TTBK2: variants seen among roughly 807,000 people sequenced by gnomAD.
TTBK2 encodes tau tubulin kinase 2, also known as tau-tubulin kinase 2.
A neutral mutation model predicts 110.8 loss-of-function variants in TTBK2; 28 were observed. That is an observed-to-expected ratio of 0.25 (90% CI 0.19 to 0.35). The LOEUF is 0.35. TTBK2 is among the 10% of genes least tolerant of loss of function. The pLI is 1.00. For synonymous variants in TTBK2, 532 were observed against 527.3 expected (o/e 1.01, Z -0.12); for missense variants, 1,369 against 1,500.3 (o/e 0.91, Z 1.45).
chr15:42,886,961 A>G (rs951696560), intron 1 of TTBK2, among the ~76,000 whole-genome samples: 5 of 152,236 alleles, frequency 3.3e-5, no homozygotes, highest in African/African-American at 1.2e-4. Flanking sequence ...TAGCAGCTGA[A>G]GACACACTGC....
At chr15:42,836,369 T>G (rs1381116642) in intron 4 of TTBK2, among the ~76,000 whole-genome samples, 1 of 152,098 alleles carries the variant, frequency 6.6e-6, no homozygotes, top group Non-Finnish European at 1.5e-5. Flanking sequence ...TGTGGGAAGC[T>G]GAATACATGG....
intron 10 of TTBK2, among the ~76,000 whole-genome samples, chr15:42,787,636 A>C (rs1442451267): frequency 1.3e-5 from 2 of 152,216 alleles, no homozygotes; most frequent in African/African-American, 4.8e-5. Context: ...CTGTAACCAA[A>C]TTGTCAACAT....
At chr15:42,898,062 G>A (rs997908277) in intron 1 of TTBK2, among the ~76,000 whole-genome samples, 29 of 152,044 alleles carry the variant, frequency 1.9e-4, no homozygotes, top group African/African-American at 5.8e-4. Context: ...GTGATGGTGC[G>A]TGCCTGTTGT....
intron 13 of TTBK2, among the ~76,000 whole-genome samples, chr15:42,768,243 G>C (rs1468523641): frequency 2.0e-5 from 3 of 152,332 alleles, no homozygotes; most frequent in African/African-American, 4.8e-5. Context: ...ATTCAACATA[G>C]TGTTGGAAGT....
chr15:42,807,370 TA>T (rs1334654713), intron 9 of TTBK2, among the ~76,000 whole-genome samples: 2 of 152,110 alleles, frequency 1.3e-5, no homozygotes, highest in East Asian at 1.9e-4. Context: ...AACACTCTAA[TA>T]AAGATATTTG....
chr15:42,757,406 C>T (rs534678034), intron 13 of TTBK2, among the ~76,000 whole-genome samples: 4 of 152,134 alleles, frequency 2.6e-5, no homozygotes, highest in South Asian at 2.1e-4. Context: ...CCACTGTGCC[C>T]GGTTAGAGTA....
At chr15:42,880,261 A>C (rs1301336819) in intron 1 of TTBK2, among the ~76,000 whole-genome samples, 3 of 152,218 alleles carry the variant, frequency 2.0e-5, no homozygotes, top group Non-Finnish European at 2.9e-5. Context: ...GTCACCAGTC[A>C]GCAACAGCCA....
intron 7 of TTBK2, among the ~76,000 whole-genome samples, chr15:42,816,085 A>ATATATATATATATATAT (rs1567040790): frequency 1.6e-4 from 11 of 67,446 alleles, no homozygotes; most frequent in East Asian, 5.6e-4. Flanking sequence ...TAAATAAATA[A>ATATATATATATATATAT]ATATATATAT....
chr15:42,783,473 A>G lies in TTBK2; in HGVS notation c.1143T>C (p.Asp381=). The part of the protein sequence containing the change: ...SLGHPRPQEK[D]VWEEMDANKN... ...TGTTGGCATCCATCTCTTCCCAAAC[A>G]TCCTTCTCCTGGGGACGGGGGTGTC... Residue 381 remains aspartate (D), a synonymous_variant, in exon 11 of 15, where the codon GAT becomes GAC. Transcript: ENST00000267890. The G allele has an allele frequency of 1.2e-6, 2 of 1,614,126 alleles. No homozygotes were observed. Among genetic ancestry groups the G allele is most frequent in the Non-Finnish European group, 1.7e-6 (2 of 1,180,044 alleles).
intron 13 of TTBK2, among the ~76,000 whole-genome samples, chr15:42,762,917 T>G (rs1340776761): frequency 6.7e-6 from 1 of 150,138 alleles, no homozygotes. Context: ...TAAAAAAAAG[T>G]TGATTTTACG....
At position 42,838,740 on chromosome 15, in the gene TTBK2, T is replaced by C. The variant is rs892178837; in HGVS notation, c.291+1620A>G. On this transcript the variant is annotated intron_variant, in intron 4 of 14. Transcript: ENST00000267890. ...CTGAGGCAGAAGAATCGCTTGAACC[T>C]GGGAGACGGAGGTTTCAGTGAGCCA... Among the ~76,000 whole-genome samples the C allele has an allele frequency of 7.9e-5, 12 of 151,938 alleles. No individual in the cohort carries two copies. In the South Asian group the frequency reaches 1.9e-3, roughly 24 times the overall value.
chr15:42,907,848 T>G (rs1377966554), intron 1 of TTBK2, among the ~76,000 whole-genome samples: 2 of 150,232 alleles, frequency 1.3e-5, no homozygotes, highest in Non-Finnish European at 3.0e-5. Flanking sequence ...CCAAGGCAGA[T>G]GGACTTGAGC....
Position 42,742,121 on chromosome 15 carries a change from C to T in TTBK2, c.*3674G>A, listed in dbSNP as rs1187818072. 6 of 152,340 alleles carry T rather than the reference C, an allele frequency of 3.9e-5. No homozygotes were observed. The highest frequency in any genetic ancestry group is 2.1e-4 in the South Asian group (1 of 4,830). 9.4% of individuals were successfully genotyped at this position (152,340 alleles called of 1,614,324 possible). On this transcript the variant is annotated 3_prime_UTR_variant, in exon 15 of 15. Transcript: ENST00000267890. Reference sequence around the variant, plus strand: ...GGAGCCAAGGGAAGGAGACACTGTACACCTAGAGCGCTGAATTAGCAGCTG... The same window carrying T: ...GGAGCCAAGGGAAGGAGACACTGTATACCTAGAGCGCTGAATTAGCAGCTG...
chr15:42,760,075 A>C (rs1238324596), intron 13 of TTBK2, among the ~76,000 whole-genome samples: 2 of 152,182 alleles, frequency 1.3e-5, no homozygotes, highest in East Asian at 3.8e-4. Flanking sequence ...AAAAGAACCA[A>C]AGGAATCTTA....
At chr15:42,890,561 A>G (rs1895416919) in intron 1 of TTBK2, among the ~76,000 whole-genome samples, 1 of 152,164 alleles carries the variant, frequency 6.6e-6, no homozygotes. Flanking sequence ...CTTCTCTGTC[A>G]TTTGCCAGAA....
intron 5 of TTBK2, among the ~76,000 whole-genome samples, chr15:42,828,600 G>A (rs977216996): frequency 6.6e-6 from 1 of 151,200 alleles, no homozygotes. Flanking sequence ...GCGCGCGCCT[G>A]TTATTCCAGC....
chr15:42,901,615 T>C (rs1244922919), intron 1 of TTBK2, among the ~76,000 whole-genome samples: 1 of 117,290 alleles, frequency 8.5e-6, no homozygotes, highest in Non-Finnish European at 1.8e-5. Context: ...ACCTCGTCTC[T>C]AAAAAAAAAA....
intron 7 of TTBK2, among the ~76,000 whole-genome samples, chr15:42,812,152 T>A (rs891449483): frequency 2.6e-5 from 4 of 152,080 alleles, no homozygotes; most frequent in African/African-American, 9.7e-5. Context: ...TGTGGGGGCA[T>A]CTGTCATGAG....
chr15:42,915,193 G>A (rs2031014282), intron 1 of TTBK2, among the ~76,000 whole-genome samples: 1 of 152,206 alleles, frequency 6.6e-6, no homozygotes, highest in South Asian at 2.1e-4. Context: ...ATTGTATATT[G>A]TTTTGAGTAT....
Sources: allele counts gnomAD v4.1 joint callset (sites outside exome capture counted in the v4.1 genomes callset), GRCh38; gene constraint gnomAD v4.1.1; transcripts MANE v1.5; gene names NCBI Gene and HGNC (gene_info 2026-07-23, HGNC 2026-07-21).